The following CCSER1 variants were observed in gnomAD, a reference collection of about 807,000 sequenced individuals.
CCSER1 encodes coiled-coil serine rich protein 1, also known as serine-rich coiled-coil domain-containing protein 1.
In CCSER1, 41 loss-of-function variants were observed where a neutral mutation model predicts 82.0. That is an observed-to-expected ratio of 0.50 (90% CI 0.39 to 0.65). The LOEUF is 0.65. Among genes scored for constraint, CCSER1 ranks in the 30% least tolerant of loss-of-function variants. The pLI is 0.00. For synonymous variants in CCSER1, 414 were observed against 383.9 expected (o/e 1.08, Z -0.92); for missense variants, 1,119 against 1,064.2 (o/e 1.05, Z -0.72).
At chr4:91,182,173 C>G (rs1335936661) in intron 10 of CCSER1, among the ~76,000 whole-genome samples, 1 of 152,158 alleles carries the variant, frequency 6.6e-6, no homozygotes, top group Non-Finnish European at 1.5e-5. Flanking sequence ...CATGCTGCAA[C>G]CGAAGGGTCC....
At chr4:90,691,250 CT>C (rs1735768535) in intron 6 of CCSER1, among the ~76,000 whole-genome samples, 1 of 151,908 alleles carries the variant, frequency 6.6e-6, no homozygotes, top group Non-Finnish European at 1.5e-5. Context: ...CATAAAACCT[CT>C]AAGTTTTACT....
chr4:90,713,303 G>A (rs888407757), intron 6 of CCSER1, among the ~76,000 whole-genome samples: 2 of 151,890 alleles, frequency 1.3e-5, no homozygotes, highest in Non-Finnish European at 2.9e-5. Flanking sequence ...TCCCTATCAC[G>A]TGCTTCCTTC....
chr4:90,939,650 A>G (rs1448368598), intron 9 of CCSER1, among the ~76,000 whole-genome samples: 1 of 152,212 alleles, frequency 6.6e-6, no homozygotes, highest in Non-Finnish European at 1.5e-5. Flanking sequence ...GGGCAAACAG[A>G]CAAGGAAGTA....
intron 1 of CCSER1, among the ~76,000 whole-genome samples, chr4:90,217,119 A>G (rs1299425535): frequency 2.6e-5 from 4 of 152,130 alleles, no homozygotes; most frequent in Non-Finnish European, 4.4e-5. Flanking sequence ...TAATTTTCGT[A>G]CATTGATTTT....
At chr4:90,211,305 C>A (rs545801313) in intron 1 of CCSER1, among the ~76,000 whole-genome samples, 1 of 152,324 alleles carries the variant, frequency 6.6e-6, no homozygotes, top group East Asian at 1.9e-4. Flanking sequence ...TTGTAAAAGT[C>A]ATATCTCTAC....
At chr4:90,771,773 A>G (rs184890666) in intron 7 of CCSER1, among the ~76,000 whole-genome samples, 9 of 152,152 alleles carry the variant, frequency 5.9e-5, no homozygotes, top group South Asian at 2.1e-4. Flanking sequence ...AGTGGATACT[A>G]CTTGTTTTTC....
At chr4:90,185,596 A>G (rs879453081) in intron 1 of CCSER1, among the ~76,000 whole-genome samples, 5 of 152,020 alleles carry the variant, frequency 3.3e-5, no homozygotes, top group Non-Finnish European at 5.9e-5. Context: ...GACATAAAAC[A>G]TATGCCACTG....
At chr4:90,346,835 C>A (rs1281028284) in intron 3 of CCSER1, among the ~76,000 whole-genome samples, 1 of 151,974 alleles carries the variant, frequency 6.6e-6, no homozygotes, top group Non-Finnish European at 1.5e-5. Context: ...TTTTTAATTT[C>A]ATCTTATTAA....
intron 10 of CCSER1, among the ~76,000 whole-genome samples, chr4:91,440,413 C>T (rs190847143): frequency 6.4e-4 from 97 of 152,188 alleles, no homozygotes; most frequent in Non-Finnish European, 1.2e-3. Flanking sequence ...TTCTTTGAAA[C>T]CAATGAGAAC....
At chr4:90,327,946 A>G (rs1738526068) in intron 3 of CCSER1, among the ~76,000 whole-genome samples, 1 of 152,120 alleles carries the variant, frequency 6.6e-6, no homozygotes, top group Admixed American at 6.5e-5. Flanking sequence ...TTTCTTTCAC[A>G]GTGCGAAATC....
intron 10 of CCSER1, among the ~76,000 whole-genome samples, chr4:91,171,958 G>A (rs1484238688): frequency 1.3e-5 from 2 of 151,352 alleles, no homozygotes; most frequent in Non-Finnish European, 1.5e-5. Context: ...TAGCTATTTG[G>A]TTCATTTTTC....
intron 10 of CCSER1, among the ~76,000 whole-genome samples, chr4:91,588,718 T>C (rs2110334441): frequency 6.6e-6 from 1 of 151,872 alleles, no homozygotes; most frequent in East Asian, 1.9e-4. Flanking sequence ...GTGCAGAAAA[T>C]GTAGGTTCTT....
intron 4 of CCSER1, among the ~76,000 whole-genome samples, chr4:90,442,028 A>G (rs1319932696): frequency 4.6e-5 from 7 of 152,138 alleles, no homozygotes; most frequent in Admixed American, 4.6e-4. Flanking sequence ...GGCCCTATGA[A>G]CTAATCTCTA....
rs2110369995 is a variant in CCSER1 at position 91,603,331 on chromosome 4, T to A, written c.*4274T>A. The A allele has an allele frequency of 6.6e-6, 1 of 152,256 alleles. No individual in the cohort carries two copies. The highest frequency in any genetic ancestry group is 2.1e-4 in the South Asian group (1 of 4,834). The allele number at this position is 152,256 out of a possible 1,614,324, so 9.4% of individuals were successfully genotyped here. A position where few individuals can be genotyped will look rare whatever the true frequency, so the allele number is the denominator to read the frequency against. Reference sequence around the variant, plus strand: ...CATACATACCCATGAACTATTTATTTACAATACATTTGATCTCGTTAAGAC... The same window carrying A: ...CATACATACCCATGAACTATTTATTAACAATACATTTGATCTCGTTAAGAC... On this transcript the variant is annotated 3_prime_UTR_variant, in exon 11 of 11. Coordinates refer to ENST00000509176, the MANE Select transcript of CCSER1 (RefSeq NM_001145065.2).
chr4:90,703,161 T>C (rs1182586846), intron 6 of CCSER1, among the ~76,000 whole-genome samples: 10 of 152,240 alleles, frequency 6.6e-5, no homozygotes, highest in Non-Finnish European at 8.8e-5. Flanking sequence ...CCACATATTC[T>C]ATTATGCTGT....
At chr4:91,027,554 G>A (rs1740599252) in intron 9 of CCSER1, among the ~76,000 whole-genome samples, 2 of 151,810 alleles carry the variant, frequency 1.3e-5, no homozygotes, top group Non-Finnish European at 2.9e-5. Context: ...GTCTTTTTGG[G>A]GCACAGTAAA....
chr4:90,393,592 G>A (rs1185672217), intron 3 of CCSER1, among the ~76,000 whole-genome samples: 2 of 152,012 alleles, frequency 1.3e-5, no homozygotes, highest in African/African-American at 4.8e-5. Flanking sequence ...ATTGCCCTTA[G>A]ATATTTTAGG....
At chr4:91,024,213 A>G (rs188008898) in intron 9 of CCSER1, among the ~76,000 whole-genome samples, 2 of 152,300 alleles carry the variant, frequency 1.3e-5, no homozygotes, top group East Asian at 3.9e-4. Flanking sequence ...TTAAGTTTCA[A>G]CATGAGTTTT....
chr4:90,211,553 A>T (rs1446503227), intron 1 of CCSER1, among the ~76,000 whole-genome samples: 2 of 152,238 alleles, frequency 1.3e-5, no homozygotes, highest in East Asian at 3.8e-4. Context: ...ACTCAAGAAG[A>T]GAACAATTTG....
Sources: allele counts gnomAD v4.1 joint callset (sites outside exome capture counted in the v4.1 genomes callset), GRCh38; gene constraint gnomAD v4.1.1; transcripts MANE v1.5; gene names NCBI Gene and HGNC (gene_info 2026-07-23, HGNC 2026-07-21).